Variants in CDH13 observed in about 807,000 individuals in gnomAD.
The protein encoded by CDH13 is cadherin-13.
A neutral mutation model predicts 63.8 loss-of-function variants in CDH13; 24 were observed. That is an observed-to-expected ratio of 0.38 (90% CI 0.27 to 0.53). The LOEUF is 0.53. Ranked by LOEUF, CDH13 falls within the 20% of genes least tolerant of loss-of-function variation. The probability of loss-of-function intolerance (pLI) is 0.85; values close to 1 mark genes in which losing one functional copy is unlikely to be tolerated. For missense variants in CDH13, 1,049 were observed against 903.1 expected, an observed-to-expected ratio of 1.16 and a Z score of -2.07; for synonymous variants, 503 against 355.3, an observed-to-expected ratio of 1.42 and a Z score of -4.67.
chr16:83,325,271 A>G (rs2090334382), intron 5 of CDH13, among the ~76,000 whole-genome samples: 1 of 149,986 alleles, frequency 6.7e-6, no homozygotes, highest in African/African-American at 2.4e-5. Context: ...CACCTTATCT[A>G]TCTGTTGAAT....
chr16:83,077,259 C>T (rs1490095793), intron 3 of CDH13, among the ~76,000 whole-genome samples: 2 of 117,580 alleles, frequency 1.7e-5, no homozygotes, highest in East Asian at 2.8e-4. Flanking sequence ...GTGATGCAGT[C>T]TTGGCTCACT....
chr16:83,420,588 A>G (rs1484703287), intron 6 of CDH13, among the ~76,000 whole-genome samples: 1 of 152,226 alleles, frequency 6.6e-6, no homozygotes, highest in Admixed American at 6.5e-5. Flanking sequence ...TACCATTATC[A>G]TTGTATTACG....
chr16:83,166,152 G>A (rs544437834), intron 4 of CDH13, among the ~76,000 whole-genome samples: 5 of 152,220 alleles, frequency 3.3e-5, no homozygotes, highest in African/African-American at 1.2e-4. Flanking sequence ...GCAAGAAAGG[G>A]TATCCAGCAA....
chr16:83,233,092 GA>G (rs2040049204), intron 5 of CDH13, among the ~76,000 whole-genome samples: 1 of 152,164 alleles, frequency 6.6e-6, no homozygotes, highest in Non-Finnish European at 1.5e-5. Context: ...GGTCCCTTGA[GA>G]TTGTCTGCAT....
chr16:83,757,114 A>G (rs1304137652), intron 11 of CDH13, among the ~76,000 whole-genome samples: 1 of 152,230 alleles, frequency 6.6e-6, no homozygotes, highest in African/African-American at 2.4e-5. Flanking sequence ...CATTAGTAGC[A>G]AAATATAACC....
chr16:83,159,601 G>A (rs1195815259), intron 4 of CDH13, among the ~76,000 whole-genome samples: 2 of 152,140 alleles, frequency 1.3e-5, no homozygotes, highest in Non-Finnish European at 2.9e-5. Flanking sequence ...ATAAAAAAGA[G>A]CCTTAGCAGA....
chr16:83,766,893 C>T (rs1366819462), intron 11 of CDH13, among the ~76,000 whole-genome samples: 1 of 152,108 alleles, frequency 6.6e-6, no homozygotes, highest in African/African-American at 2.4e-5. Context: ...TGGCATTCCC[C>T]TGCTTGCACT....
chr16:82,958,306 T>C (rs1434374168), intron 2 of CDH13, among the ~76,000 whole-genome samples: 1 of 152,196 alleles, frequency 6.6e-6, no homozygotes, highest in African/African-American at 2.4e-5. Context: ...ATATCGTTCA[T>C]GCTTGATAAA....
At chr16:83,487,286 A>G (rs1042178201) in intron 7 of CDH13, among the ~76,000 whole-genome samples, 1 of 152,194 alleles carries the variant, frequency 6.6e-6, no homozygotes, top group Non-Finnish European at 1.5e-5. Flanking sequence ...ATTAGTTGTC[A>G]TATCAAAATA....
At chr16:83,603,253 T>C (rs541508275) in intron 8 of CDH13, among the ~76,000 whole-genome samples, 4 of 152,340 alleles carry the variant, frequency 2.6e-5, no homozygotes, top group East Asian at 1.9e-4. Flanking sequence ...TGTGCTAAGA[T>C]TGTGGCTTCT....
intron 6 of CDH13, among the ~76,000 whole-genome samples, chr16:83,438,447 G>T (rs747493651): frequency 3.3e-5 from 5 of 152,222 alleles, no homozygotes; most frequent in Admixed American, 6.5e-5. Context: ...ACAGACAATA[G>T]CACCTAGGGC....
At chr16:83,707,836 C>CAAAAAAAAAAA (rs61067563) in intron 10 of CDH13, among the ~76,000 whole-genome samples, 1,575 of 78,646 alleles carry the variant, frequency 0.02, 106 homozygotes, top group East Asian at 0.044. Context: ...ACCCTAAAGG[C>CAAAAAAAAAAA]AAAAAAAAAA....
intron 3 of CDH13, among the ~76,000 whole-genome samples, chr16:83,056,415 A>G (rs1309216713): frequency 6.6e-6 from 1 of 152,216 alleles, no homozygotes; most frequent in Non-Finnish European, 1.5e-5. Flanking sequence ...TCAAGGGACA[A>G]ATGGATAAAT....
chr16:83,062,308 C>T (rs1166178116), intron 3 of CDH13, among the ~76,000 whole-genome samples: 1 of 152,186 alleles, frequency 6.6e-6, no homozygotes, highest in Admixed American at 6.5e-5. Context: ...GCATTTGTTA[C>T]ACTTTCACAT....
intron 2 of CDH13, among the ~76,000 whole-genome samples, chr16:82,933,892 GC>G (rs1491000369): frequency 6.6e-6 from 1 of 152,194 alleles, no homozygotes; most frequent in African/African-American, 2.4e-5. Context: ...TGTTCCCATG[GC>G]CTTGGGCAGC....
At position 83,533,391 on chromosome 16, in the gene CDH13, G is replaced by C. The variant is rs75647446; in HGVS notation, c.960+46736G>C. On this transcript the variant is annotated intron_variant, in intron 7 of 13. Transcript: ENST00000567109. ...GGCATTCCCCAAAGACAAGATGGGA[G>C]GTGCCTCCCACACTCTTCACCTCCT... Among the ~76,000 whole-genome samples, 731 of 152,190 alleles carry C rather than the reference G, an allele frequency of 4.8e-3. 7 individuals are homozygous for C. Among genetic ancestry groups the C allele is most frequent in the African/African-American group, 0.017 (694 of 41,520 alleles).
chr16:83,371,617 T>C (rs1007359202), intron 6 of CDH13, among the ~76,000 whole-genome samples: 3 of 152,252 alleles, frequency 2.0e-5, no homozygotes, highest in Non-Finnish European at 4.4e-5. Context: ...AATCATATCA[T>C]TGCTTAGAAG....
chr16:82,887,682 G>T (rs1422299904), intron 2 of CDH13, among the ~76,000 whole-genome samples: 1 of 152,168 alleles, frequency 6.6e-6, no homozygotes, highest in Non-Finnish European at 1.5e-5. Context: ...TTAGCTGGGC[G>T]TGGTGGTGCA....
At chr16:83,705,215 CTT>C (rs1463279754) in intron 10 of CDH13, among the ~76,000 whole-genome samples, 1 of 152,168 alleles carries the variant, frequency 6.6e-6, no homozygotes, top group Non-Finnish European at 1.5e-5. Flanking sequence ...TTTTTTCTGT[CTT>C]TTATGCTTTC....
Sources: gnomAD v4.1 joint callset for allele counts (sites outside exome capture counted in the v4.1 genomes callset) on GRCh38, gnomAD v4.1.1 for gene constraint, MANE v1.5 for transcripts, NCBI Gene and HGNC (gene_info 2026-07-23, HGNC 2026-07-21) for gene names.